The following AOPEP variants were observed in gnomAD, a reference collection of about 807,000 sequenced individuals.
The protein encoded by AOPEP is aminopeptidase O (putative), also known as aminopeptidase O.
AOPEP carries 77 observed loss-of-function variants against 98.1 expected under a neutral mutation model. The ratio of observed to expected loss-of-function variants is 0.78; its 90% CI spans 0.65 to 0.95. The LOEUF (loss-of-function observed/expected upper bound fraction) is 0.95, where lower values mean the gene tolerates loss of function less well. AOPEP is among the 40% of genes least tolerant of loss of function. The probability of loss-of-function intolerance (pLI) is 0.00; values close to 1 mark genes in which losing one functional copy is unlikely to be tolerated. For missense variants in AOPEP, 1,024 were observed against 1,024.7 expected (o/e 1.00, Z 0.01); for synonymous variants, 346 against 365.3 (o/e 0.95, Z 0.60).
At chr9:94,982,679 C>T (rs1315983684) in intron 11 of AOPEP, among the ~76,000 whole-genome samples, 2 of 149,926 alleles carry the variant, frequency 1.3e-5, no homozygotes, top group Non-Finnish European at 3.0e-5. Flanking sequence ...AGTGAAAGGG[C>T]AATACTTTTA....
chr9:95,043,597 A>G (rs1048921149), intron 13 of AOPEP, among the ~76,000 whole-genome samples: 2 of 152,206 alleles, frequency 1.3e-5, no homozygotes, highest in African/African-American at 4.8e-5. Flanking sequence ...AGTTAAAATG[A>G]TACTCCAGTT....
chr9:95,005,490 G>A (rs1467878941), intron 12 of AOPEP, 52 bp from the exon 13 acceptor site: 2 of 1,514,040 alleles, frequency 1.3e-6, no homozygotes, highest in East Asian at 4.5e-5. Context: ...CTGGGGGATG[G>A]CCGTCAGGAC....
At chr9:94,920,094 G>C (rs1424301319) in intron 5 of AOPEP, 1 of 152,162 alleles carries the variant, frequency 6.6e-6, no homozygotes, top group Non-Finnish European at 1.5e-5. Context: ...TTGAGAGGGG[G>C]CGGGCGGATC....
At chr9:95,137,959 G>T in the AOPEP span, among the ~76,000 whole-genome samples, 126 of 152,404 alleles carry the variant, frequency 8.3e-4, 1 homozygote, top group Middle Eastern at 6.8e-3. Context: ...AGGACTGGCG[G>T]TAACGGGAGT....
chr9:94,885,409 T>TTATTTTGTACTGAAAA (rs768146408), intron 5 of AOPEP, among the ~76,000 whole-genome samples: 29 of 136,722 alleles, frequency 2.1e-4, no homozygotes, highest in Non-Finnish European at 3.3e-4. Flanking sequence ...GCTAGCATTA[T>TTATTTTGTACTGAAAA]TATTTTGTAC....
chr9:94,946,878 A>G (rs1417320127), intron 7 of AOPEP, among the ~76,000 whole-genome samples: 2 of 151,680 alleles, frequency 1.3e-5, no homozygotes, highest in Admixed American at 6.6e-5. Context: ...TGGAACTGTT[A>G]TTGCACCCCT....
the AOPEP span, among the ~76,000 whole-genome samples, chr9:95,139,641 T>C: frequency 4.6e-5 from 7 of 150,952 alleles, no homozygotes; most frequent in South Asian, 1.5e-3. Flanking sequence ...GGCTCTGGAG[T>C]GATGTGGCTA....
At chr9:95,144,436 G>A in the AOPEP span, among the ~76,000 whole-genome samples, 1 of 152,216 alleles carries the variant, frequency 6.6e-6, no homozygotes, top group African/African-American at 2.4e-5. Flanking sequence ...GCAAGGGAGT[G>A]TGGGCCTGCT....
intron 10 of AOPEP, among the ~76,000 whole-genome samples, chr9:94,974,690 G>C (rs1355912998): frequency 6.6e-6 from 1 of 152,192 alleles, no homozygotes; most frequent in Non-Finnish European, 1.5e-5. Flanking sequence ...TTCAGCAGGA[G>C]AGATTAGTGA....
At chr9:94,975,483 A>G (rs575858799) in intron 10 of AOPEP, among the ~76,000 whole-genome samples, 73 of 152,226 alleles carry the variant, frequency 4.8e-4, no homozygotes, top group African/African-American at 1.7e-3. Flanking sequence ...TTGCCAATGA[A>G]CTAACCCTCT....
chr9:94,746,029 C>T lies in AOPEP; in HGVS notation c.-135-13620C>T, dbSNP rs536382262. Among the ~76,000 whole-genome samples the T allele has an allele frequency of 5.9e-5, 9 of 152,274 alleles. 1 individual carries two copies. The South Asian group carries it at 6.2e-4, about 11-fold the overall frequency. On this transcript the variant is annotated intron_variant, in intron 1 of 16. Transcript: ENST00000375315. ...TCCCCTTTCTTCACATCGTTGCTTG[C>T]GTTCGTTATTGCCTCTTTCATTGAA...
At chr9:94,935,614 C>T (rs1023247090) in intron 7 of AOPEP, among the ~76,000 whole-genome samples, 3 of 152,122 alleles carry the variant, frequency 2.0e-5, no homozygotes, top group Admixed American at 6.5e-5. Context: ...GCTTCCAGCT[C>T]CATGTGTTCA....
chr9:94,796,167 G>T (rs902663168), intron 4 of AOPEP, among the ~76,000 whole-genome samples: 1 of 152,200 alleles, frequency 6.6e-6, no homozygotes, highest in Non-Finnish European at 1.5e-5. Flanking sequence ...AGGTCCGGGT[G>T]CCACTCTAGG....
intron 5 of AOPEP, among the ~76,000 whole-genome samples, chr9:94,857,026 A>G (rs1476143930): frequency 1.3e-5 from 2 of 152,230 alleles, no homozygotes; most frequent in African/African-American, 4.8e-5. Context: ...GTTGAACTTA[A>G]AAGTTCTTTC....
chr9:95,130,415 G>GA, the AOPEP span, among the ~76,000 whole-genome samples: 1 of 151,978 alleles, frequency 6.6e-6, no homozygotes, highest in Non-Finnish European at 1.5e-5. Flanking sequence ...ATCCCTTTTA[G>GA]AAAAAATAAA....
the AOPEP span, chr9:95,114,591 G>C: frequency 6.4e-7 from 1 of 1,555,694 alleles, no homozygotes; most frequent in African/African-American, 1.4e-5. Flanking sequence ...GGGAAACCAT[G>C]TGTGAAGTAG....
intron 13 of AOPEP, among the ~76,000 whole-genome samples, chr9:95,018,557 C>T (rs898345447): frequency 5.9e-5 from 9 of 152,220 alleles, no homozygotes; most frequent in African/African-American, 2.2e-4. Flanking sequence ...GTTCTGTCAA[C>T]TATTGTGACT....
the AOPEP span, among the ~76,000 whole-genome samples, chr9:95,140,984 T>A: frequency 6.6e-6 from 1 of 151,978 alleles, no homozygotes; most frequent in Non-Finnish European, 1.5e-5. Flanking sequence ...TTTCTGTGAC[T>A]CAATTTGTGA....
At chr9:94,932,231 C>CT (rs2055446582) in intron 7 of AOPEP, 1 of 986,148 alleles carries the variant, frequency 1.0e-6, no homozygotes, top group Non-Finnish European at 1.2e-6. Context: ...GTCCAAGCAT[C>CT]TTTTTTCTTT....
Sources: gnomAD v4.1 joint callset for allele counts (sites outside exome capture counted in the v4.1 genomes callset) on GRCh38, gnomAD v4.1.1 for gene constraint, MANE v1.5 for transcripts, NCBI Gene and HGNC (gene_info 2026-07-23, HGNC 2026-07-21) for gene names.